Variants in TBC1D30 observed in about 807,000 individuals in gnomAD.
TBC1D30 encodes TBC1 domain family, member 30.
Under a neutral mutation model 63.2 loss-of-function variants are expected in TBC1D30, and 31 were observed. The observed-to-expected ratio is 0.49, with a 90% CI of 0.37 to 0.66. TBC1D30 has a LOEUF of 0.66. TBC1D30 is among the 30% of genes least tolerant of loss of function. The pLI is 0.00. For missense variants in TBC1D30, 810 were observed against 953.6 expected, an observed-to-expected ratio of 0.85 and a Z score of 1.98; for synonymous variants, 307 against 361.5, an observed-to-expected ratio of 0.85 and a Z score of 1.71.
chr12:64,804,343 C>T (rs1302524549), intron 2 of TBC1D30, among the ~76,000 whole-genome samples: 2 of 152,102 alleles, frequency 1.3e-5, no homozygotes, highest in Non-Finnish European at 2.9e-5. Flanking sequence ...GATTTTGTAT[C>T]CTGAGACTTT....
chr12:64,868,912 A>G (rs1878434068), intron 10 of TBC1D30, among the ~76,000 whole-genome samples: 1 of 152,012 alleles, frequency 6.6e-6, no homozygotes. Flanking sequence ...ACCTCTAGAT[A>G]TCCTGTAATT....
Position 64,807,918 on chromosome 12 carries a change from G to GTGTTTTTT in TBC1D30, c.644-19916_644-19915insGTTTTTTT, listed in dbSNP as rs777402054. ...GCCCATGCCACCCTGCCTAATTTAA[G>GTGTTTTTT]TTTTTTTTTTTTTTTTTGTAGAGCT... is the stretch of plus-strand genomic sequence containing the variant. On this transcript the variant is annotated intron_variant, in intron 2 of 12. Transcript: ENST00000542120. Among the ~76,000 whole-genome samples, 31 of 93,496 alleles carry GTGTTTTTT rather than the reference G, an allele frequency of 3.3e-4. 4 individuals are homozygous for GTGTTTTTT. Among genetic ancestry groups the GTGTTTTTT allele is most frequent in the African/African-American group, 1.6e-3 (29 of 18,118 alleles). The allele number at this position is 93,496 out of a possible 152,430, so 61.3% of individuals were successfully genotyped here.
rs898541453 is a variant in TBC1D30, at chr12:64,864,658, T to G, written c.1039-10T>G. The G allele has an allele frequency of 1.2e-5, 18 of 1,532,588 alleles. No individual in the cohort carries two copies. Among genetic ancestry groups the G allele is most frequent in the Non-Finnish European group, 1.5e-5 (17 of 1,143,530 alleles). The allele number at this position is 1,532,588 out of a possible 1,614,324, so 94.9% of individuals were successfully genotyped here. On this transcript the variant is annotated splice_polypyrimidine_tract_variant and intron_variant, in intron 8 of 11. Transcript: ENST00000539867. ...GTTTCAGACTTGGCATTTTTGCTTT[T>G]GTTTTACAGACTGTTTATTCCATGG...
Position 64,824,829 on chromosome 12 carries a change from A to G in TBC1D30, c.-51A>G. ...AGCTCAGCCGCTCAGCGAGTGGGGT[A>G]GCGGGGACCGAGACGGACGGTAGCC... is the stretch of plus-strand genomic sequence containing the variant. On this transcript the variant is annotated 5_prime_UTR_variant, in exon 1 of 12. Transcript: ENST00000539867. 6.6e-7 allele frequency: 1 copy of G among 1,520,134 alleles called. No individual in the cohort carries two copies. The highest frequency in any genetic ancestry group is 8.8e-7 in the Non-Finnish European group (1 of 1,139,106). The allele number at this position is 1,520,134 out of a possible 1,614,324, so 94.2% of individuals were successfully genotyped here.
At position 64,878,309 on chromosome 12, in the gene TBC1D30, A is replaced by T; in HGVS notation, c.*2521A>T. 1 of 373,866 alleles carries T rather than the reference A, an allele frequency of 2.7e-6. No individual in the cohort carries two copies. The highest frequency in any genetic ancestry group is 5.3e-6 in the Non-Finnish European group (1 of 187,918). The allele number at this position is 373,866 out of a possible 1,614,324, so 23.2% of individuals were successfully genotyped here. ...CCTGCAGTAGCCTCTACCACACAGC[A>T]TGTACAAAGACCAGTATGGACTTGC... On this transcript the variant is annotated 3_prime_UTR_variant, in exon 12 of 12. Coordinates refer to ENST00000539867, the MANE Select transcript of TBC1D30 (RefSeq NM_015279.2).
upstream of TBC1D30, among the ~76,000 whole-genome samples, chr12:64,777,679 T>C (rs1420299556): frequency 6.6e-6 from 1 of 152,250 alleles, no homozygotes; most frequent in African/African-American, 2.4e-5. Context: ...TTGGCCATGC[T>C]GCCCAAAGCA....
In TBC1D30 at chr12:64,824,908, TG is replaced by T; in HGVS notation, c.30del (p.Arg11GlyfsTer7). On this transcript the variant is annotated frameshift_variant, in exon 1 of 12. Transcript: ENST00000539867. LOFTEE classifies it high-confidence loss of function. MRQDKLTGS[L>X]RRGGRCLKRQ... ...CGGCAGGACAAGCTGACCGGGTCTC[TG>T]AGGCGCGGGGGGAGATGCCTGAAGC... The T allele has an allele frequency of 6.5e-7, 1 of 1,534,332 alleles. No individual in the cohort carries two copies. The highest frequency in any genetic ancestry group is 8.7e-7 in the Non-Finnish European group (1 of 1,146,514).
chr12:64,800,784 G>A (rs1376607269), intron 2 of TBC1D30, among the ~76,000 whole-genome samples: 2 of 152,160 alleles, frequency 1.3e-5, no homozygotes, highest in Non-Finnish European at 2.9e-5. Flanking sequence ...CAGAACAGCT[G>A]TCAACAACAT....
chr12:64,818,404 T>C, intron 2 of TBC1D30: 1 of 984,288 alleles, frequency 1.0e-6, no homozygotes, highest in Non-Finnish European at 1.2e-6. Flanking sequence ...ACAATCCTTG[T>C]GTCCTTGTCA....
intron 1 of TBC1D30, among the ~76,000 whole-genome samples, chr12:64,773,796 A>C (rs965479108): frequency 9.8e-5 from 15 of 152,370 alleles, no homozygotes; most frequent in African/African-American, 3.4e-4. Context: ...AAGGTCAGCA[A>C]CCTCAAAGAT....
intron 2 of TBC1D30, chr12:64,818,481 G>T: frequency 1.2e-6 from 1 of 816,656 alleles, no homozygotes; most frequent in Non-Finnish European, 1.5e-6. Flanking sequence ...TGCCAGGCTG[G>T]AATGCTGGAA....
intron 1 of TBC1D30, among the ~76,000 whole-genome samples, chr12:64,826,578 C>T (rs962512083): frequency 6.6e-6 from 1 of 152,138 alleles, no homozygotes; most frequent in African/African-American, 2.4e-5. Flanking sequence ...TGGAAACACT[C>T]CCGTGGCCGT....
At chr12:64,870,310 C>T (rs11175577) in intron 10 of TBC1D30, among the ~76,000 whole-genome samples, 33,004 of 152,100 alleles carry the variant, frequency 0.22, 9,862 homozygotes, top group African/African-American at 0.68. Flanking sequence ...CAGTGATTTT[C>T]ATCTGGAAGC....
chr12:64,798,592 G>T (rs1872413389), intron 2 of TBC1D30, among the ~76,000 whole-genome samples: 1 of 152,146 alleles, frequency 6.6e-6, no homozygotes, highest in Non-Finnish European at 1.5e-5. Flanking sequence ...CTACCTGAAA[G>T]ACCTCCTATT....
At chr12:64,865,140 A>G (rs1878109385) in intron 9 of TBC1D30, among the ~76,000 whole-genome samples, 1 of 151,438 alleles carries the variant, frequency 6.6e-6, no homozygotes, top group African/African-American at 2.4e-5. Context: ...AGAGTTTATC[A>G]TATGAAAAAT....
chr12:64,830,284 C>T, intron 3 of TBC1D30, 93 bp from the exon 4 acceptor site: 1 of 1,273,800 alleles, frequency 7.9e-7, no homozygotes, highest in South Asian at 1.7e-5. Flanking sequence ...GGGACACTTC[C>T]CATTTTCTTG....
chr12:64,777,343 C>T (rs1373703175), upstream of TBC1D30, among the ~76,000 whole-genome samples: 5 of 152,102 alleles, frequency 3.3e-5, no homozygotes, highest in African/African-American at 1.2e-4. Flanking sequence ...TGATATGGTC[C>T]TATATCTAGA....
intron 9 of TBC1D30, among the ~76,000 whole-genome samples, chr12:64,865,602 T>C (rs1043691189): frequency 2.0e-5 from 3 of 152,034 alleles, no homozygotes. Context: ...ACGCCCGTAA[T>C]CCTAGCACTT....
chr12:64,807,918 G>GTTTGTTTTTTTT (rs1872969812), intron 2 of TBC1D30, among the ~76,000 whole-genome samples: 2 of 93,526 alleles, frequency 2.1e-5, no homozygotes, highest in Admixed American at 2.5e-4. Context: ...CCTAATTTAA[G>GTTTGTTTTTTTT]TTTTTTTTTT....
Sources: allele counts gnomAD v4.1 joint callset (sites outside exome capture counted in the v4.1 genomes callset), GRCh38; gene constraint gnomAD v4.1.1; transcripts MANE v1.5; gene names NCBI Gene and HGNC (gene_info 2026-07-23, HGNC 2026-07-21).